The following DDR2 variants were observed in gnomAD, a reference collection of about 807,000 sequenced individuals.
The protein encoded by DDR2 is discoidin domain receptor tyrosine kinase 2.
In DDR2, 27 loss-of-function variants were observed where a neutral mutation model predicts 94.9. That is an observed-to-expected ratio of 0.28 (90% CI 0.21 to 0.39). The LOEUF is 0.39. Among genes scored for constraint, DDR2 ranks in the 10% least tolerant of loss-of-function variants. The pLI, the probability that DDR2 is intolerant of heterozygous loss-of-function variation, is 1.00. For synonymous variants in DDR2, 382 were observed against 377.2 expected (o/e 1.01, Z -0.15); for missense variants, 783 against 1,076.0 (o/e 0.73, Z 3.81).
intron 2 of DDR2, among the ~76,000 whole-genome samples, chr1:162,679,441 G>C (rs2101953860): frequency 6.6e-6 from 1 of 152,176 alleles, no homozygotes; most frequent in East Asian, 1.9e-4. Flanking sequence ...TGACAGTATG[G>C]AGCCTCCAGC....
chr1:162,690,739 T>C (rs147729115), intron 2 of DDR2, among the ~76,000 whole-genome samples: 1,570 of 152,348 alleles, frequency 0.01, 10 homozygotes, highest in Non-Finnish European at 0.016. Flanking sequence ...AAAGCAATTA[T>C]AATAGTGAGT....
rs1360367928 is a variant in DDR2, at chr1:162,741,271, A to G, written c.83-11824A>G. On this transcript the variant is annotated intron_variant, in intron 3 of 17. Coordinates refer to ENST00000367921, the MANE Select transcript of DDR2 (RefSeq NM_006182.4). Reference sequence around the variant, plus strand: ...GTATAATGTAATGTAATGTAATATAATATAATATAATATAATATAATATAA... The same window carrying G: ...GTATAATGTAATGTAATGTAATATAGTATAATATAATATAATATAATATAA... Among the ~76,000 whole-genome samples the G allele has an allele frequency of 6.4e-3, 707 of 110,016 alleles. 7 individuals carry two copies. The highest frequency in any genetic ancestry group is 0.028 in the African/African-American group (677 of 24,390). 72.2% of individuals were successfully genotyped at this position (110,016 alleles called of 152,430 possible).
intron 2 of DDR2, among the ~76,000 whole-genome samples, chr1:162,667,060 A>G (rs1405161655): frequency 6.6e-6 from 1 of 151,768 alleles, no homozygotes; most frequent in East Asian, 1.9e-4. Context: ...CTATCTATCT[A>G]TCAATCATCT....
intron 2 of DDR2, among the ~76,000 whole-genome samples, chr1:162,695,802 T>C (rs1349625691): frequency 5.7e-4 from 87 of 152,216 alleles, no homozygotes; most frequent in Admixed American, 5.7e-3. Flanking sequence ...CTGCTTTAAA[T>C]AGACAATCTT....
At chr1:162,656,832 A>AGTTTTT (rs1657990065) in intron 2 of DDR2, among the ~76,000 whole-genome samples, 1 of 18,394 alleles carries the variant, frequency 5.4e-5, no homozygotes, top group Non-Finnish European at 2.1e-4. Context: ...CTGCCACTGG[A>AGTTTTT]GTTTTTTTTT....
intron 4 of DDR2, 126 bp from the exon 5 acceptor site, chr1:162,754,498 C>A: frequency 2.1e-6 from 2 of 947,070 alleles, no homozygotes; most frequent in Non-Finnish European, 3.3e-6. Flanking sequence ...GTGGCAAGAA[C>A]CCAAAATGTT....
At chr1:162,770,830 C>T (rs959841101) in intron 12 of DDR2, 17 of 395,074 alleles carry the variant, frequency 4.3e-5, no homozygotes, top group Non-Finnish European at 6.3e-5. Flanking sequence ...TTTTACATGT[C>T]GGGAAAGTGA....
intron 3 of DDR2, among the ~76,000 whole-genome samples, chr1:162,735,590 C>T (rs1283087200): frequency 1.3e-5 from 2 of 152,256 alleles, no homozygotes; most frequent in Admixed American, 1.3e-4. Context: ...AACTGAAATG[C>T]AATCACAATA....
chr1:162,759,244 A>G (rs971518971), intron 7 of DDR2, among the ~76,000 whole-genome samples: 6 of 152,264 alleles, frequency 3.9e-5, no homozygotes, highest in African/African-American at 9.6e-5. Context: ...GGATATGTGG[A>G]ATAGAAGAGA....
chr1:162,645,776 G>T (rs1657377184), intron 1 of DDR2, among the ~76,000 whole-genome samples: 1 of 152,168 alleles, frequency 6.6e-6, no homozygotes, highest in Non-Finnish European at 1.5e-5. Context: ...TCTATGAGGT[G>T]TCATTTGATA....
intron 3 of DDR2, among the ~76,000 whole-genome samples, chr1:162,720,003 C>T (rs1422692657): frequency 6.6e-6 from 1 of 152,152 alleles, no homozygotes; most frequent in Non-Finnish European, 1.5e-5. Context: ...AATACTCAAA[C>T]ATTTTTCAAG....
At chr1:162,713,573 G>A (rs1333749443) in intron 2 of DDR2, among the ~76,000 whole-genome samples, 3 of 152,096 alleles carry the variant, frequency 2.0e-5, no homozygotes, top group Admixed American at 6.6e-5. Flanking sequence ...ATGAGTGTGT[G>A]TCTATCATAA....
Position 162,785,800 on chromosome 1 carries a change from CTGTT to C in DDR2, c.*5558_*5561del, listed in dbSNP as rs1318522443. 2 of 152,170 alleles carry C rather than the reference CTGTT, an allele frequency of 1.3e-5. No individual in the cohort carries two copies. Among genetic ancestry groups the C allele is most frequent in the African/African-American group, 4.8e-5 (2 of 41,436 alleles). The allele number at this position is 152,170 out of a possible 1,614,324, so 9.4% of individuals were successfully genotyped here. ...ACTTGTTCCTGGTGAAGTGCATTCTCTGTTTGTATACTTTTTGATGGAGAAATTG... is the reference window on the plus strand; with the variant it reads ...ACTTGTTCCTGGTGAAGTGCATTCTCTGTATACTTTTTGATGGAGAAATTG... On this transcript the variant is annotated 3_prime_UTR_variant, in exon 18 of 18. Transcript: ENST00000367921.
At chr1:162,779,326 T>G (rs1001296735) in intron 17 of DDR2, among the ~76,000 whole-genome samples, 5 of 152,112 alleles carry the variant, frequency 3.3e-5, no homozygotes, top group Admixed American at 2.6e-4. Context: ...TTGGGTGGCT[T>G]AGATTTAAAA....
intron 2 of DDR2, among the ~76,000 whole-genome samples, chr1:162,690,752 T>C (rs1659927342): frequency 6.6e-6 from 1 of 152,210 alleles, no homozygotes; most frequent in African/African-American, 2.4e-5. Context: ...TAGTGAGTAA[T>C]TTTTGTTTGA....
chr1:162,765,448 CT>C lies in DDR2; in HGVS notation c.1100-552del, dbSNP rs546675209. Among the ~76,000 whole-genome samples the C allele has an allele frequency of 5.2e-3, 794 of 152,266 alleles. 11 individuals are homozygous for C. Among genetic ancestry groups the C allele is most frequent in the African/African-American group, 0.018 (739 of 41,548 alleles). On this transcript the variant is annotated intron_variant, in intron 9 of 17. Transcript: ENST00000367921. ...CTCTGGCAAAGCTGCCAACATCAAT[CT>C]GGCAAATACGCTTTTGTGGTTTAGT... is the stretch of plus-strand genomic sequence containing the variant.
chr1:162,754,377 G>A (rs1663354253), intron 4 of DDR2, among the ~76,000 whole-genome samples: 1 of 152,216 alleles, frequency 6.6e-6, no homozygotes, highest in Non-Finnish European at 1.5e-5. Flanking sequence ...AGGATGGGAA[G>A]TGAAGGCTAT....
chr1:162,786,822 T>TCA lies in DDR2; in HGVS notation c.*6576_*6577insCA, dbSNP rs1251980857. 1.8e-4 allele frequency: 28 copies of TCA among 152,246 alleles called. No homozygotes were observed. Among genetic ancestry groups the TCA allele is most frequent in the African/African-American group, 6.5e-4 (27 of 41,470 alleles). The allele number at this position is 152,246 out of a possible 1,614,324, so 9.4% of individuals were successfully genotyped here. On this transcript the variant is annotated 3_prime_UTR_variant, in exon 18 of 18. Transcript: ENST00000367921. The stretch of plus-strand genomic sequence containing the variant: ...TCCAAACATACGAGACACTGGGATT[T>TCA]TACGTCCTCACATTAATTAGTCCAG...
chr1:162,728,661 G>A (rs1055467177), intron 3 of DDR2, among the ~76,000 whole-genome samples: 5 of 152,152 alleles, frequency 3.3e-5, no homozygotes, highest in Non-Finnish European at 7.3e-5. Flanking sequence ...CCTGGGACAA[G>A]CACATTCTAA....
Sources: gnomAD v4.1 joint callset for allele counts (sites outside exome capture counted in the v4.1 genomes callset) on GRCh38, gnomAD v4.1.1 for gene constraint, MANE v1.5 for transcripts, NCBI Gene and HGNC (gene_info 2026-07-23, HGNC 2026-07-21) for gene names.